PKIA: variants seen among roughly 807,000 people sequenced by gnomAD.
PKIA encodes the protein cAMP-dependent protein kinase inhibitor alpha.
A neutral mutation model predicts 7.6 loss-of-function variants in PKIA; 4 were observed. The ratio of observed to expected loss-of-function variants is 0.52; its 90% CI spans 0.26 to 1.20. The LOEUF (loss-of-function observed/expected upper bound fraction) is 1.20, where lower values mean the gene tolerates loss of function less well. Among genes scored for constraint, PKIA ranks in the 50% most tolerant of loss-of-function variants. The pLI is 0.13. For missense variants in PKIA, 73 were observed against 86.2 expected, an observed-to-expected ratio of 0.85 and a Z score of 0.61; for synonymous variants, 21 against 30.7, an observed-to-expected ratio of 0.68 and a Z score of 1.04.
chr8:78,585,432 AAG>A (rs1807927585), intron 2 of PKIA, among the ~76,000 whole-genome samples: 1 of 152,142 alleles, frequency 6.6e-6, no homozygotes, highest in Non-Finnish European at 1.5e-5. Context: ...GTCAGAGAAG[AAG>A]AGTATTACAC....
intron 1 of PKIA, among the ~76,000 whole-genome samples, chr8:78,527,814 A>G (rs1199436092): frequency 2.0e-5 from 3 of 151,968 alleles, no homozygotes. Flanking sequence ...CCCATAAGTT[A>G]TTTGGCCTTC....
chr8:78,566,933 T>G (rs1050622201), intron 1 of PKIA, among the ~76,000 whole-genome samples: 1 of 152,144 alleles, frequency 6.6e-6, no homozygotes, highest in Non-Finnish European at 1.5e-5. Context: ...CAGGAATTAT[T>G]GCTTATTGAA....
At chr8:78,536,859 TACACACACACAC>T (rs58547049) in intron 1 of PKIA, among the ~76,000 whole-genome samples, 7,175 of 136,114 alleles carry the variant, frequency 0.053, 203 homozygotes, top group South Asian at 0.071. Context: ...CTAGAAAACA[TACACACACACAC>T]ACACACACAC....
intron 1 of PKIA, chr8:78,558,527 T>G (rs893497829): frequency 5.2e-5 from 8 of 154,522 alleles, no homozygotes; most frequent in Non-Finnish European, 1.0e-4. Flanking sequence ...AAGCGGAAAC[T>G]CCTGATAAAC....
chr8:78,521,115 T>C (rs1809407895), intron 1 of PKIA, among the ~76,000 whole-genome samples: 1 of 152,130 alleles, frequency 6.6e-6, no homozygotes, highest in Admixed American at 6.5e-5. Context: ...CAAAGCCATT[T>C]TTACAAAAAA....
chr8:78,557,930 A>G (rs1199134135), intron 1 of PKIA, among the ~76,000 whole-genome samples: 1 of 152,182 alleles, frequency 6.6e-6, no homozygotes, highest in African/African-American at 2.4e-5. Context: ...AATTTATGTG[A>G]CACTTTGTTT....
Position 78,572,715 on chromosome 8 carries a change from T to C in PKIA, c.-156-96T>C, listed in dbSNP as rs940856876. The C allele has an allele frequency of 7.2e-5, 11 of 152,084 alleles. No homozygotes were observed. The South Asian group carries it at 1.9e-3, about 26-fold the overall frequency. 9.4% of individuals were successfully genotyped at this position (152,084 alleles called of 1,614,324 possible). A position where few individuals can be genotyped will look rare whatever the true frequency, so the allele number is the denominator to read the frequency against. On this transcript the variant is annotated intron_variant, in intron 1 of 3. Transcript: ENST00000396418. ...GAAAGTTCCTGAAGTTATGATACTG[T>C]TCAAATGACGGATGCTTGAACATTT...
At chr8:78,522,293 C>T (rs914041420) in intron 1 of PKIA, among the ~76,000 whole-genome samples, 3 of 151,890 alleles carry the variant, frequency 2.0e-5, no homozygotes, top group African/African-American at 7.2e-5. Flanking sequence ...TGTTTTGTGA[C>T]TTCAAGTTAT....
At chr8:78,550,773 C>T (rs988210153) in intron 1 of PKIA, among the ~76,000 whole-genome samples, 1 of 151,930 alleles carries the variant, frequency 6.6e-6, no homozygotes, top group African/African-American at 2.4e-5. Context: ...AAGCAGTATA[C>T]GCTGAACCCA....
intron 1 of PKIA, among the ~76,000 whole-genome samples, chr8:78,565,641 T>C (rs1230728294): frequency 2.6e-5 from 4 of 151,944 alleles, no homozygotes; most frequent in African/African-American, 4.8e-5. Flanking sequence ...TATTGAAGTT[T>C]CTCTCTCCCT....
chr8:78,531,490 A>C (rs1306545408), intron 1 of PKIA, among the ~76,000 whole-genome samples: 8 of 152,170 alleles, frequency 5.3e-5, no homozygotes, highest in Admixed American at 5.2e-4. Context: ...ATAATATAAC[A>C]GTTATTGTGC....
intron 1 of PKIA, among the ~76,000 whole-genome samples, chr8:78,543,394 C>A (rs1806744195): frequency 6.6e-6 from 1 of 152,152 alleles, no homozygotes; most frequent in Admixed American, 6.6e-5. Context: ...TATTATTTCA[C>A]CAGGCTAACA....
intron 2 of PKIA, among the ~76,000 whole-genome samples, chr8:78,592,632 T>C (rs1808128933): frequency 6.6e-6 from 1 of 152,192 alleles, no homozygotes; most frequent in Non-Finnish European, 1.5e-5. Context: ...TTCCTTCATG[T>C]GTTCATTACT....
intron 3 of PKIA, among the ~76,000 whole-genome samples, chr8:78,601,072 T>C (rs1052337765): frequency 6.6e-6 from 1 of 152,082 alleles, no homozygotes; most frequent in Non-Finnish European, 1.5e-5. Context: ...AGTGAAAGCA[T>C]TGAAATGTTT....
intron 1 of PKIA, among the ~76,000 whole-genome samples, chr8:78,564,809 G>A (rs1807366349): frequency 6.6e-6 from 1 of 151,770 alleles, no homozygotes; most frequent in Non-Finnish European, 1.5e-5. Context: ...TTATAATTAT[G>A]AGACTATCTA....
In PKIA at chr8:78,580,775, ACTGT is replaced by A. The variant is rs1014289044; in HGVS notation, c.-28+7840_-28+7843del. ...AAGATGAAGGTAATCAGTGTTTGTC[ACTGT>A]CTGAGGAGGAAGTTGAAGTATGATA... On this transcript the variant is annotated intron_variant, in intron 2 of 3. Coordinates refer to ENST00000396418, the MANE Select transcript of PKIA (RefSeq NM_006823.4). Among the ~76,000 whole-genome samples, 4 of 152,076 alleles carry A rather than the reference ACTGT, an allele frequency of 2.6e-5. 1 individual carries two copies. The highest frequency in any genetic ancestry group is 9.7e-5 in the African/African-American group (4 of 41,436).
At chr8:78,524,588 T>C (rs1809506456) in intron 1 of PKIA, among the ~76,000 whole-genome samples, 1 of 151,888 alleles carries the variant, frequency 6.6e-6, no homozygotes, top group Non-Finnish European at 1.5e-5. Flanking sequence ...AAAATGTACC[T>C]ATTGAGACTC....
At chr8:78,561,058 C>G (rs1261162902) in intron 1 of PKIA, among the ~76,000 whole-genome samples, 1 of 152,116 alleles carries the variant, frequency 6.6e-6, no homozygotes, top group African/African-American at 2.4e-5. Context: ...CGTGGTATAT[C>G]AGTACAAATC....
At chr8:78,584,620 C>T (rs1807904861) in intron 2 of PKIA, among the ~76,000 whole-genome samples, 1 of 152,018 alleles carries the variant, frequency 6.6e-6, no homozygotes, top group Admixed American at 6.6e-5. Context: ...ATTACTAATG[C>T]ATAATGCTGG....
Sources: allele counts gnomAD v4.1 joint callset (sites outside exome capture counted in the v4.1 genomes callset), GRCh38; gene constraint gnomAD v4.1.1; transcripts MANE v1.5; gene names NCBI Gene and HGNC (gene_info 2026-07-23, HGNC 2026-07-21).